Variants in TENM4 observed in about 807,000 individuals in gnomAD.
TENM4 encodes teneurin transmembrane protein 4.
In TENM4, 82 loss-of-function variants were observed where a neutral mutation model predicts 243.3. The observed-to-expected ratio is 0.34, with a 90% CI of 0.28 to 0.40. The LOEUF is 0.40. Ranked by LOEUF, TENM4 falls within the 10% of genes least tolerant of loss-of-function variation. The pLI is 1.00. For missense variants in TENM4, 3,138 were observed against 3,673.3 expected (o/e 0.85, Z 3.77); for synonymous variants, 1,412 against 1,456.3 (o/e 0.97, Z 0.69).
At chr11:78,947,793 A>G (rs1302991420) in intron 6 of TENM4, among the ~76,000 whole-genome samples, 4 of 152,200 alleles carry the variant, frequency 2.6e-5, no homozygotes, top group African/African-American at 9.6e-5. Flanking sequence ...ACTTCTGCCA[A>G]TGTGGTTCCC....
chr11:78,756,212 C>T (rs2135952627), intron 19 of TENM4: 1 of 155,498 alleles, frequency 6.4e-6, no homozygotes, highest in East Asian at 1.9e-4. Flanking sequence ...CTGGCCTAAT[C>T]ACACTGTAAC....
intron 26 of TENM4, among the ~76,000 whole-genome samples, chr11:78,709,266 G>A (rs57335370): frequency 1.1e-3 from 166 of 151,636 alleles, no homozygotes; most frequent in African/African-American, 3.9e-3. Flanking sequence ...TGCCCGGCCC[G>A]TCCTTCATGC....
chr11:79,179,105 CAAT>C (rs1184924074), intron 3 of TENM4, among the ~76,000 whole-genome samples: 4 of 152,298 alleles, frequency 2.6e-5, no homozygotes, highest in South Asian at 2.1e-4. Flanking sequence ...GCAACAACAA[CAAT>C]GATGATGATA....
chr11:78,752,100 C>A (rs1286251998), intron 19 of TENM4, among the ~76,000 whole-genome samples: 5 of 152,232 alleles, frequency 3.3e-5, no homozygotes, highest in Non-Finnish European at 7.3e-5. Flanking sequence ...AGCTCTGTCA[C>A]TTTCTGTGGG....
chr11:79,392,129 G>A (rs1014934167), intron 1 of TENM4, among the ~76,000 whole-genome samples: 2 of 152,230 alleles, frequency 1.3e-5, no homozygotes, highest in African/African-American at 4.8e-5. Flanking sequence ...CATCCACAGT[G>A]GCTTAGCCCC....
intron 25 of TENM4, 63 bp from the exon 26 acceptor site, chr11:78,712,777 G>A: frequency 6.9e-7 from 1 of 1,458,368 alleles, no homozygotes. Context: ...AGCTGGAGAT[G>A]TACAGATGAA....
intron 20 of TENM4, 105 bp from the exon 21 acceptor site, chr11:78,732,682 C>T (rs1210611823): frequency 1.5e-6 from 2 of 1,320,312 alleles, no homozygotes; most frequent in African/African-American, 1.5e-5. Flanking sequence ...ACCAAAGGGT[C>T]TCAGCATTTC....
intron 12 of TENM4, among the ~76,000 whole-genome samples, chr11:78,833,301 T>C (rs1858024067): frequency 6.6e-6 from 1 of 152,238 alleles, no homozygotes; most frequent in South Asian, 2.1e-4. Context: ...ATCTAAATAA[T>C]GTGCTTATAC....
chr11:78,716,413 T>C (rs1377411002), intron 25 of TENM4, among the ~76,000 whole-genome samples: 1 of 152,164 alleles, frequency 6.6e-6, no homozygotes, highest in Non-Finnish European at 1.5e-5. Context: ...TTCTGTTTAA[T>C]TGTCTGTCTT....
At chr11:78,946,255 C>A (rs61882022) in intron 6 of TENM4, among the ~76,000 whole-genome samples, 4,225 of 152,274 alleles carry the variant, frequency 0.028, 90 homozygotes, top group African/African-American at 0.055. Flanking sequence ...TTATCATTCC[C>A]AAAATCCCAG....
chr11:79,291,958 G>T (rs1165937969), intron 2 of TENM4, among the ~76,000 whole-genome samples: 1 of 152,114 alleles, frequency 6.6e-6, no homozygotes, highest in Non-Finnish European at 1.5e-5. Context: ...GTGCTGGCAG[G>T]AGTCAGGGAT....
chr11:78,738,393 A>G (rs1855847389), intron 20 of TENM4, 58 bp downstream of exon 20: 29 of 1,569,596 alleles, frequency 1.8e-5, no homozygotes, highest in Non-Finnish European at 2.5e-5. Flanking sequence ...CAGCAGCTAT[A>G]TGGCAAGACC....
intron 32 of TENM4, among the ~76,000 whole-genome samples, chr11:78,664,627 CCTCT>C (rs776979596): frequency 4.6e-5 from 7 of 152,214 alleles, no homozygotes; most frequent in Non-Finnish European, 1.0e-4. Context: ...TCCATTTTCT[CCTCT>C]CTAACAGAAG....
intron 3 of TENM4, among the ~76,000 whole-genome samples, chr11:79,169,388 C>T (rs537756218): frequency 5.9e-5 from 9 of 152,200 alleles, no homozygotes; most frequent in South Asian, 2.1e-4. Flanking sequence ...AGAGGGAGGG[C>T]GGTGGAACTT....
intron 9 of TENM4, among the ~76,000 whole-genome samples, chr11:78,868,554 C>T (rs1186225789): frequency 6.6e-6 from 1 of 152,206 alleles, no homozygotes; most frequent in African/African-American, 2.4e-5. Context: ...TCCAGTGAGA[C>T]ATGAGAGATG....
intron 2 of TENM4, among the ~76,000 whole-genome samples, chr11:79,297,287 G>A (rs1856471362): frequency 6.6e-6 from 1 of 152,166 alleles, no homozygotes; most frequent in African/African-American, 2.4e-5. Context: ...ACTCCACACT[G>A]GGAGCAAACA....
rs60286712 is a variant in TENM4 at position 78,805,281 on chromosome 11, C to CACCCTCCACA, written c.2179+10_2179+11insTGTGGAGGGT. The CACCCTCCACA allele has an allele frequency of 8.9e-5, 133 of 1,488,256 alleles. No homozygotes were observed. The highest frequency in any genetic ancestry group is 3.4e-4 in the South Asian group (28 of 83,178). 92.2% of individuals were successfully genotyped at this position (1,488,256 alleles called of 1,614,324 possible). A position where few individuals can be genotyped will look rare whatever the true frequency, so the allele number is the denominator to read the frequency against. The stretch of plus-strand genomic sequence containing the variant: ...TCCCTCTACCCATGCTTCTTCTCCC[C>CACCCTCCACA]CTGCATTTACCGATAGAACAGTCGT... On this transcript the variant is annotated intron_variant, in intron 15 of 33. Coordinates refer to ENST00000278550, the MANE Select transcript of TENM4 (RefSeq NM_001098816.3).
Position 78,933,306 on chromosome 11 carries a change from C to A in TENM4, c.494-29783G>T, listed in dbSNP as rs565579256. Among the ~76,000 whole-genome samples the A allele has an allele frequency of 2.0e-5, 3 of 152,202 alleles. No individual in the cohort carries two copies. In the South Asian group the frequency reaches 6.2e-4, roughly 32 times the overall value. On this transcript the variant is annotated intron_variant, in intron 6 of 33. Coordinates refer to ENST00000278550, the MANE Select transcript of TENM4 (RefSeq NM_001098816.3). Reference sequence around the variant, plus strand: ...AAAGGGCTTCACAGGGTAACTGGCACCCAGCTGGGGCTCAGGAAACGGCAG... The same window carrying A: ...AAAGGGCTTCACAGGGTAACTGGCAACCAGCTGGGGCTCAGGAAACGGCAG...
chr11:79,420,691 G>T (rs1858913076), intron 1 of TENM4, among the ~76,000 whole-genome samples: 1 of 151,726 alleles, frequency 6.6e-6, no homozygotes, highest in South Asian at 2.1e-4. Context: ...TTTGGGGGGT[G>T]GGGGATGGTT....
Sources: allele counts gnomAD v4.1 joint callset (sites outside exome capture counted in the v4.1 genomes callset), GRCh38; gene constraint gnomAD v4.1.1; transcripts MANE v1.5; gene names NCBI Gene and HGNC (gene_info 2026-07-23, HGNC 2026-07-21).